Variants in TTBK2 observed in about 807,000 individuals in gnomAD.
The protein encoded by TTBK2 is tau tubulin kinase 2.
TTBK2 carries 28 observed loss-of-function variants against 110.8 expected under a neutral mutation model. The observed-to-expected ratio is 0.25, with a 90% CI of 0.19 to 0.35. The LOEUF (loss-of-function observed/expected upper bound fraction) is 0.35, where lower values mean the gene tolerates loss of function less well. Among genes scored for constraint, TTBK2 ranks in the 10% least tolerant of loss-of-function variants. The pLI is 1.00. For synonymous variants in TTBK2, 532 were observed against 527.3 expected, an observed-to-expected ratio of 1.01 and a Z score of -0.12; for missense variants, 1,369 against 1,500.3, an observed-to-expected ratio of 0.91 and a Z score of 1.45.
At position 42,801,743 on chromosome 15, in the gene TTBK2, G is replaced by T. The variant is rs757473765; in HGVS notation, c.823-6942C>A. The T allele has an allele frequency of 6.0e-6, 5 of 832,604 alleles. No individual in the cohort carries two copies. In the Admixed American group the frequency reaches 8.5e-5, roughly 14 times the overall value. The allele number at this position is 832,604 out of a possible 1,614,324, so 51.6% of individuals were successfully genotyped here. On this transcript the variant is annotated intron_variant, in intron 9 of 14. Coordinates refer to ENST00000267890, the MANE Select transcript of TTBK2 (RefSeq NM_173500.4). ...ATCTCCTCTTCATACAGCTGCCTGA[G>T]GAAGCTGATCTTGGCAGTCAGCTCT...
chr15:42,914,457 C>T (rs1487545536), intron 1 of TTBK2, among the ~76,000 whole-genome samples: 3 of 152,134 alleles, frequency 2.0e-5, no homozygotes, highest in Admixed American at 2.0e-4. Flanking sequence ...ATGGCTTGTA[C>T]TCTGGCTTCT....
At chr15:42,800,202 T>C (rs1891125539) in intron 9 of TTBK2, 1 of 409,564 alleles carries the variant, frequency 2.4e-6, no homozygotes, top group African/African-American at 2.1e-5. Flanking sequence ...ACTTTTATAA[T>C]GACCACATAT....
rs1567040232 is a variant in TTBK2 at position 42,815,894 on chromosome 15, ATATATATATATATTT to A, written c.603+1123_603+1137del. 7.9e-4 allele frequency among the ~76,000 whole-genome samples: 57 copies of A among 72,188 alleles called. 2 individuals are homozygous for A. Among genetic ancestry groups the A allele is most frequent in the African/African-American group, 5.3e-3 (55 of 10,324 alleles). The allele number at this position is 72,188 out of a possible 152,430, so 47.4% of individuals were successfully genotyped here. Reference sequence around the variant, plus strand: ...TATTTAAATATATATATATTTAAAAATATATATATATATTTAAAAATATATATATATTTAAAAATA... The same window carrying A: ...TATTTAAATATATATATATTTAAAAAAAAAATATATATATATTTAAAAATA... On this transcript the variant is annotated intron_variant, in intron 7 of 14. Transcript: ENST00000267890.
intron 14 of TTBK2, among the ~76,000 whole-genome samples, chr15:42,747,621 T>C (rs1018495761): frequency 6.6e-6 from 1 of 152,226 alleles, no homozygotes; most frequent in Non-Finnish European, 1.5e-5. Context: ...ACTGCTGATC[T>C]GATAGGAGGC....
chr15:42,911,205 T>C (rs1176082096), intron 1 of TTBK2, among the ~76,000 whole-genome samples: 2 of 152,194 alleles, frequency 1.3e-5, no homozygotes, highest in African/African-American at 4.8e-5. Flanking sequence ...AGACATCTGG[T>C]CGATTGCAAA....
chr15:42,872,541 T>A (rs1894656497), intron 3 of TTBK2, 70 bp downstream of exon 3: 10 of 1,551,278 alleles, frequency 6.4e-6, no homozygotes, highest in Non-Finnish European at 7.9e-6. Context: ...GTAATTAAGG[T>A]TCAGGAAGAT....
At position 42,738,841 on chromosome 15, in the gene TTBK2, G is replaced by A. The variant is rs1207498288; in HGVS notation, c.*6954C>T. On this transcript the variant is annotated 3_prime_UTR_variant, in exon 15 of 15. Transcript: ENST00000267890. ...TGCTTTTTCTAGGGAACTTCTAGATGTGGTACTGCATTTACAGTAACACTA... is the reference window on the plus strand; with the variant it reads ...TGCTTTTTCTAGGGAACTTCTAGATATGGTACTGCATTTACAGTAACACTA... The A allele has an allele frequency of 2.0e-5, 3 of 152,168 alleles. No homozygotes were observed. Among genetic ancestry groups the A allele is most frequent in the Non-Finnish European group, 2.9e-5 (2 of 68,024 alleles). The allele number at this position is 152,168 out of a possible 1,614,324, so 9.4% of individuals were successfully genotyped here. A position where few individuals can be genotyped will look rare whatever the true frequency, so the allele number is the denominator to read the frequency against.
chr15:42,884,059 T>C (rs1235589608), intron 1 of TTBK2, among the ~76,000 whole-genome samples: 1 of 152,110 alleles, frequency 6.6e-6, no homozygotes, highest in African/African-American at 2.4e-5. Context: ...AGAGCCAATT[T>C]ACAAAGAAAT....
intron 12 of TTBK2, among the ~76,000 whole-genome samples, 166 bp from the exon 13 acceptor site, chr15:42,775,889 C>A (rs954623372): frequency 2.0e-5 from 3 of 152,220 alleles, no homozygotes; most frequent in Admixed American, 1.3e-4. Context: ...CTACCTGCCA[C>A]ATCCTGCTTT....
Position 42,788,597 on chromosome 15 carries a change from T to C in TTBK2, c.981-4962A>G, listed in dbSNP as rs1177836754. Among the ~76,000 whole-genome samples, 12 of 152,212 alleles carry C rather than the reference T, an allele frequency of 7.9e-5. No individual in the cohort carries two copies. In the South Asian group the frequency reaches 1.7e-3, roughly 21 times the overall value. The stretch of plus-strand genomic sequence containing the variant: ...CTGGTGACTAAATATTAATAAATTT[T>C]GTATCCCACTTGTGAATTGTGGCAT... On this transcript the variant is annotated intron_variant, in intron 10 of 14. Transcript: ENST00000267890.
rs145949142 is a variant in TTBK2, at chr15:42,835,389, T to C, written c.291+4971A>G. 2.2e-3 allele frequency among the ~76,000 whole-genome samples: 331 copies of C among 152,250 alleles called. 1 individual carries two copies. The highest frequency in any genetic ancestry group is 7.7e-3 in the African/African-American group (320 of 41,534). On this transcript the variant is annotated intron_variant, in intron 4 of 14. Coordinates refer to ENST00000267890, the MANE Select transcript of TTBK2 (RefSeq NM_173500.4). ...GGAATCTTATATAATCATCAATTTA[T>C]AGAAAATACAGGGGACAGAAATACA... is the stretch of plus-strand genomic sequence containing the variant.
rs561113063 is a variant in TTBK2, at chr15:42,857,092, T to C, written c.217+15519A>G. On this transcript the variant is annotated intron_variant, in intron 3 of 14. Coordinates refer to ENST00000267890, the MANE Select transcript of TTBK2 (RefSeq NM_173500.4). ...AAAAAAAAAAATCTATCAATATTGG[T>C]TCATCAGTTGTAACAACTGTATCAC... is the stretch of plus-strand genomic sequence containing the variant. Among the ~76,000 whole-genome samples the C allele has an allele frequency of 4.6e-5, 7 of 151,850 alleles. No individual in the cohort carries two copies. In the East Asian group the frequency reaches 1.4e-3, roughly 30 times the overall value.
Position 42,739,119 on chromosome 15 carries a change from T to A in TTBK2, c.*6676A>T, listed in dbSNP as rs2061734819. ...AAATAATTACACTTTTATGTACAGG[T>A]GGCCTATACAAAAGCACTCCATGTT... On this transcript the variant is annotated 3_prime_UTR_variant, in exon 15 of 15. Transcript: ENST00000267890. 1 of 152,188 alleles carries A rather than the reference T, an allele frequency of 6.6e-6. No homozygotes were observed. Among genetic ancestry groups the A allele is most frequent in the South Asian group, 2.1e-4 (1 of 4,832 alleles). 9.4% of individuals were successfully genotyped at this position (152,188 alleles called of 1,614,324 possible).
chr15:42,891,590 G>C (rs1271258456), intron 1 of TTBK2, among the ~76,000 whole-genome samples: 1 of 152,002 alleles, frequency 6.6e-6, no homozygotes, highest in Non-Finnish European at 1.5e-5. Context: ...TGAACATACT[G>C]ATGTACCAAG....
At chr15:42,826,435 T>G (rs1892539819) in intron 6 of TTBK2, among the ~76,000 whole-genome samples, 1 of 152,186 alleles carries the variant, frequency 6.6e-6, no homozygotes, top group Non-Finnish European at 1.5e-5. Context: ...ACGGTTTTAT[T>G]GCTAAATTAA....
chr15:42,890,680 T>C (rs1046487511), intron 1 of TTBK2, among the ~76,000 whole-genome samples: 1 of 152,132 alleles, frequency 6.6e-6, no homozygotes, highest in Non-Finnish European at 1.5e-5. Flanking sequence ...ATTTCCTAAG[T>C]GATATGAATG....
chr15:42,880,364 T>C (rs552006268), intron 1 of TTBK2, among the ~76,000 whole-genome samples: 30 of 152,308 alleles, frequency 2.0e-4, no homozygotes, highest in African/African-American at 7.0e-4. Flanking sequence ...CCTCAAATCC[T>C]ATTTAAGACC....
chr15:42,912,254 C>T (rs1051974269), intron 1 of TTBK2, among the ~76,000 whole-genome samples: 3 of 152,070 alleles, frequency 2.0e-5, no homozygotes, highest in African/African-American at 7.2e-5. Flanking sequence ...CCTTCAGGAG[C>T]TGGAGGATGA....
intron 3 of TTBK2, among the ~76,000 whole-genome samples, chr15:42,867,319 T>A: frequency 6.7e-6 from 1 of 149,616 alleles, no homozygotes; most frequent in Admixed American, 6.6e-5. Flanking sequence ...TTTAGGAAAC[T>A]AGAAAACAGA....
Sources: allele counts gnomAD v4.1 joint callset (sites outside exome capture counted in the v4.1 genomes callset), GRCh38; gene constraint gnomAD v4.1.1; transcripts MANE v1.5; gene names NCBI Gene and HGNC (gene_info 2026-07-23, HGNC 2026-07-21).